SLC22A24: variants seen among roughly 807,000 people sequenced by gnomAD.
SLC22A24 encodes the protein solute carrier family 22 member 24.
In SLC22A24, 53 loss-of-function variants were observed where a neutral mutation model predicts 49.8. That is an observed-to-expected ratio of 1.06 (90% CI 0.85 to 1.34). SLC22A24 has a LOEUF of 1.34. Ranked by LOEUF, SLC22A24 falls within the 40% of genes most tolerant of loss-of-function variation. The pLI is 0.00. For synonymous variants in SLC22A24, 302 were observed against 256.4 expected (o/e 1.18, Z -1.70); for missense variants, 786 against 675.9 (o/e 1.16, Z -1.81).
intron 6 of SLC22A24, 55 bp from the exon 7 acceptor site, chr11:63,083,512 A>G: frequency 1.4e-6 from 2 of 1,400,368 alleles, no homozygotes. Flanking sequence ...AGCCTAGGAA[A>G]CATTTTCTGA....
intron 2 of SLC22A24, among the ~76,000 whole-genome samples, chr11:63,127,757 G>C (rs1441569980): frequency 6.6e-6 from 1 of 151,958 alleles, no homozygotes; most frequent in Non-Finnish European, 1.5e-5. Context: ...TCATATGTCT[G>C]TTTTCTGCAT....
chr11:63,110,241 G>T (rs542852603), intron 4 of SLC22A24, among the ~76,000 whole-genome samples: 1 of 151,966 alleles, frequency 6.6e-6, no homozygotes, highest in African/African-American at 2.4e-5. Context: ...TGCTGTTTTG[G>T]TTACTGTAGT....
At chr11:63,136,986 G>A (rs922324787) in intron 1 of SLC22A24, among the ~76,000 whole-genome samples, 1 of 152,192 alleles carries the variant, frequency 6.6e-6, no homozygotes, top group Non-Finnish European at 1.5e-5. Context: ...GTCTGCATTG[G>A]TGAGTATCCT....
At chr11:63,111,323 G>T (rs1393408863) in intron 4 of SLC22A24, among the ~76,000 whole-genome samples, 1 of 151,912 alleles carries the variant, frequency 6.6e-6, no homozygotes, top group East Asian at 1.9e-4. Flanking sequence ...TTTTTGTTGT[G>T]TCTCTGCCCG....
chr11:63,141,906 T>A (rs1590754123), intron 1 of SLC22A24, among the ~76,000 whole-genome samples: 2 of 152,198 alleles, frequency 1.3e-5, no homozygotes, highest in Non-Finnish European at 2.9e-5. Flanking sequence ...AGAGAAAAAT[T>A]ATGCTTCAAA....
chr11:63,089,950 G>A (rs1463873240), intron 6 of SLC22A24, among the ~76,000 whole-genome samples: 1 of 151,644 alleles, frequency 6.6e-6, no homozygotes, highest in African/African-American at 2.4e-5. Flanking sequence ...GCGTGGTGGT[G>A]GGCGCCTGTC....
chr11:63,081,196 C>T, intron 8 of SLC22A24, 73 bp from the exon 9 acceptor site: 1 of 1,276,538 alleles, frequency 7.8e-7, no homozygotes. Flanking sequence ...ATCATTATTT[C>T]TTTATGGGGA....
chr11:63,102,888 T>G (rs2134650345), intron 5 of SLC22A24, among the ~76,000 whole-genome samples: 1 of 152,240 alleles, frequency 6.6e-6, no homozygotes, highest in South Asian at 2.1e-4. Context: ...ATATCTGCAG[T>G]AGTTATTCCA....
rs138388507 is a variant in SLC22A24 at position 63,117,528 on chromosome 11, C to G, written c.830+1384G>C. ...TTAGGGACTTCCCCTTTCACCTCAT[C>G]TACCTCTTCTATCTTTGCCACCCCT... On this transcript the variant is annotated intron_variant, in intron 4 of 9. Coordinates refer to ENST00000612278, the MANE Select transcript of SLC22A24 (RefSeq NM_001136506.2). Among the ~76,000 whole-genome samples the G allele has an allele frequency of 4.6e-3, 702 of 152,262 alleles. 7 individuals carry two copies. The highest frequency in any genetic ancestry group is 0.02 in the Middle Eastern group (6 of 294).
intron 2 of SLC22A24, among the ~76,000 whole-genome samples, chr11:63,121,854 T>C (rs1476656229): frequency 2.6e-5 from 4 of 152,146 alleles, no homozygotes; most frequent in Admixed American, 1.3e-4. Flanking sequence ...GTGTTCTCAT[T>C]GTTCAATTCC....
At chr11:63,080,057 AT>A in intron 9 of SLC22A24, 57 bp from the exon 10 acceptor site, 5 of 1,186,022 alleles carry the variant, frequency 4.2e-6, no homozygotes, top group Non-Finnish European at 4.9e-6. Flanking sequence ...TAAATAAGAT[AT>A]AGATTAAGCA....
chr11:63,091,012 A>T (rs2087017204), intron 6 of SLC22A24, among the ~76,000 whole-genome samples: 1 of 152,194 alleles, frequency 6.6e-6, no homozygotes, highest in Non-Finnish European at 1.5e-5. Flanking sequence ...TTTTGAAAAG[A>T]TTAACAAAAT....
At chr11:63,110,992 A>C (rs1590738749) in intron 4 of SLC22A24, among the ~76,000 whole-genome samples, 2 of 152,170 alleles carry the variant, frequency 1.3e-5, no homozygotes, top group South Asian at 4.1e-4. Context: ...GGTTTGCCAT[A>C]GATAGCTCTT....
chr11:63,135,936 G>A (rs1395353226), intron 1 of SLC22A24, among the ~76,000 whole-genome samples: 2 of 152,152 alleles, frequency 1.3e-5, no homozygotes, highest in South Asian at 2.1e-4. Context: ...AGCAATCATC[G>A]AAGCTGATCC....
chr11:63,134,292 T>G, intron 2 of SLC22A24, among the ~76,000 whole-genome samples: 1 of 152,092 alleles, frequency 6.6e-6, no homozygotes, highest in East Asian at 1.9e-4. Context: ...TTTCACAAAT[T>G]TGCACTTTCA....
intron 4 of SLC22A24, among the ~76,000 whole-genome samples, chr11:63,113,874 A>T (rs375299182): frequency 3.4e-5 from 5 of 147,338 alleles, no homozygotes; most frequent in South Asian, 4.4e-4. Context: ...AAAAAAAAGG[A>T]ATGTTGAATA....
Position 63,080,843 on chromosome 11 carries a change from G to T in SLC22A24, c.1598+77C>A, listed in dbSNP as rs555194054. On this transcript the variant is annotated intron_variant, in intron 9 of 9. Transcript: ENST00000612278. The stretch of plus-strand genomic sequence containing the variant: ...CATGAAGGACAGAGGGCCCCAAATG[G>T]TCGTTGACCTTTCTCATTAAACAGC... 9.3e-6 allele frequency: 12 copies of T among 1,290,490 alleles called. No homozygotes were observed. In the African/African-American group the frequency reaches 1.5e-4, roughly 16 times the overall value. 79.9% of individuals were successfully genotyped at this position (1,290,490 alleles called of 1,614,324 possible).
chr11:63,105,588 C>T (rs932583907), intron 4 of SLC22A24, among the ~76,000 whole-genome samples: 4 of 152,154 alleles, frequency 2.6e-5, no homozygotes, highest in African/African-American at 7.2e-5. Flanking sequence ...TGTCCCTTGG[C>T]CCGTTTTGGC....
chr11:63,096,806 T>C (rs1348885212), intron 5 of SLC22A24, among the ~76,000 whole-genome samples: 1 of 152,120 alleles, frequency 6.6e-6, no homozygotes, highest in Non-Finnish European at 1.5e-5. Flanking sequence ...GGAAAGGAGA[T>C]GGTTTTAGGC....
Sources: gnomAD v4.1 joint callset for allele counts (sites outside exome capture counted in the v4.1 genomes callset) on GRCh38, gnomAD v4.1.1 for gene constraint, MANE v1.5 for transcripts, NCBI Gene and HGNC (gene_info 2026-07-23, HGNC 2026-07-21) for gene names.